SEPTIN9: variants seen among roughly 807,000 people sequenced by gnomAD.
SEPTIN9 encodes the protein septin 9.
In SEPTIN9, 13 loss-of-function variants were observed where a neutral mutation model predicts 56.6. The observed-to-expected ratio is 0.23, with a 90% CI of 0.15 to 0.37. The LOEUF is 0.37. SEPTIN9 is among the 10% of genes least tolerant of loss of function. The probability of loss-of-function intolerance (pLI) is 1.00; values close to 1 mark genes in which losing one functional copy is unlikely to be tolerated. For missense variants in SEPTIN9, 650 were observed against 823.1 expected (o/e 0.79, Z 2.57); for synonymous variants, 332 against 334.1 (o/e 0.99, Z 0.07).
At chr17:77,448,740 A>G (rs1324621990) in intron 3 of SEPTIN9, among the ~76,000 whole-genome samples, 2 of 151,924 alleles carry the variant, frequency 1.3e-5, no homozygotes, top group Admixed American at 6.6e-5. Flanking sequence ...ATTAAAATTA[A>G]TATCACCTGT....
chr17:77,482,828 C>G, intron 4 of SEPTIN9: 1 of 495,702 alleles, frequency 2.0e-6, no homozygotes, highest in Non-Finnish European at 3.6e-6. Flanking sequence ...GAGGTCACCA[C>G]GGGAGGTCGT....
intron 2 of SEPTIN9, among the ~76,000 whole-genome samples, chr17:77,308,726 G>A (rs1330554838): frequency 6.6e-6 from 1 of 152,206 alleles, no homozygotes; most frequent in African/African-American, 2.4e-5. Flanking sequence ...TTGCTTCTGT[G>A]GGGACAGCAC....
chr17:77,342,885 G>T (rs780654409), intron 2 of SEPTIN9, among the ~76,000 whole-genome samples: 1 of 152,070 alleles, frequency 6.6e-6, no homozygotes, highest in Non-Finnish European at 1.5e-5. Flanking sequence ...GAGGTGAGAG[G>T]ATAGTTTGAG....
chr17:77,286,599 C>T (rs1293570026), intron 1 of SEPTIN9, among the ~76,000 whole-genome samples: 2 of 152,220 alleles, frequency 1.3e-5, no homozygotes, highest in Non-Finnish European at 2.9e-5. Flanking sequence ...CACCCCCTAC[C>T]TGGTCCTTGG....
chr17:77,421,238 C>A lies in SEPTIN9; in HGVS notation c.721+18535C>A, dbSNP rs2036691402. On this transcript the variant is annotated intron_variant, in intron 3 of 11. Coordinates refer to ENST00000427177, the MANE Select transcript of SEPTIN9 (RefSeq NM_001113491.2). The surrounding 1 kb of genome is among the most constrained non-coding windows in gnomAD (Gnocchi z 4.6). ...AAAGAAAACCCCAGTTAGAAGGTGTCCCCCTCTTCCTTCAGTCCCTCAGCT... is the reference window on the plus strand; with the variant it reads ...AAAGAAAACCCCAGTTAGAAGGTGTACCCCTCTTCCTTCAGTCCCTCAGCT... Among the ~76,000 whole-genome samples the A allele has an allele frequency of 6.6e-6, 1 of 152,178 alleles. No individual in the cohort carries two copies. The highest frequency in any genetic ancestry group is 2.4e-5 in the African/African-American group (1 of 41,438).
In SEPTIN9 at chr17:77,449,851, T is replaced by C. The variant is rs1350488404; in HGVS notation, c.722-32293T>C. On this transcript the variant is annotated intron_variant, in intron 3 of 11. Transcript: ENST00000427177. The surrounding 1 kb of genome is among the most constrained non-coding windows in gnomAD (Gnocchi z 4.6). ...ACTTCCTGGCCTAGACGTGTGTGTC[T>C]TGCTGTAATTTTGGCGACTGGTGTT... Among the ~76,000 whole-genome samples, 1 of 152,170 alleles carries C rather than the reference T, an allele frequency of 6.6e-6. No homozygotes were observed. Among genetic ancestry groups the C allele is most frequent in the East Asian group, 1.9e-4 (1 of 5,188 alleles).
At chr17:77,305,666 T>C (rs533153857) in intron 1 of SEPTIN9, among the ~76,000 whole-genome samples, 27 of 151,874 alleles carry the variant, frequency 1.8e-4, no homozygotes, top group Admixed American at 1.7e-3. Context: ...GGGTACCCTG[T>C]CAATACTAGT....
chr17:77,412,218 G>A lies in SEPTIN9; in HGVS notation c.721+9515G>A, dbSNP rs912367219. Among the ~76,000 whole-genome samples, 25 of 151,284 alleles carry A rather than the reference G, an allele frequency of 1.7e-4. 1 individual carries two copies. Among genetic ancestry groups the A allele is most frequent in the African/African-American group, 7.3e-5 (3 of 41,080 alleles). ...AGAATTTTTTAGGACCCCTCCCCTC[G>A]TCGACCTGCTCAGCTGTCTGCTGGG... On this transcript the variant is annotated intron_variant, in intron 3 of 11. Coordinates refer to ENST00000427177, the MANE Select transcript of SEPTIN9 (RefSeq NM_001113491.2).
In SEPTIN9 at chr17:77,476,608, T is replaced by TG. The variant is rs922113283; in HGVS notation, c.722-5531dup. Among the ~76,000 whole-genome samples, 3 of 152,200 alleles carry TG rather than the reference T, an allele frequency of 2.0e-5. No individual in the cohort carries two copies. The highest frequency in any genetic ancestry group is 4.4e-5 in the Non-Finnish European group (3 of 68,030). On this transcript the variant is annotated intron_variant, in intron 3 of 11. Transcript: ENST00000427177. This position sits in a 1 kb window ranked among gnomAD's most constrained non-coding sequence, Gnocchi z 6.0. ...AGCTGGTCCCCAGGATGAGCAGATT[T>TG]GGGGGCAGTCCCCATCACGGGACCG...
chr17:77,479,458 C>A (rs2039359371), intron 3 of SEPTIN9, among the ~76,000 whole-genome samples: 1 of 152,250 alleles, frequency 6.6e-6, no homozygotes, highest in East Asian at 1.9e-4. Flanking sequence ...CCAGCCGGGG[C>A]CTGCAAGGCC....
At chr17:77,407,996 G>A (rs2036152899) in intron 3 of SEPTIN9, among the ~76,000 whole-genome samples, 1 of 150,452 alleles carries the variant, frequency 6.6e-6, no homozygotes. Flanking sequence ...ACCCCCCTCC[G>A]GCTCCTCAGC....
At chr17:77,346,465 T>C (rs1270160141) in intron 2 of SEPTIN9, among the ~76,000 whole-genome samples, 1 of 151,998 alleles carries the variant, frequency 6.6e-6, no homozygotes, top group Non-Finnish European at 1.5e-5. Flanking sequence ...AGAAGTATGT[T>C]GTTTAATTTG....
At chr17:77,478,482 G>T (rs1249724155) in intron 3 of SEPTIN9, among the ~76,000 whole-genome samples, 1 of 152,164 alleles carries the variant, frequency 6.6e-6, no homozygotes, top group Non-Finnish European at 1.5e-5. Flanking sequence ...GAAACAACCC[G>T]AATGCCCGCG....
chr17:77,497,509 C>T, intron 11 of SEPTIN9, 143 bp downstream of exon 11: 1 of 723,776 alleles, frequency 1.4e-6, no homozygotes, highest in South Asian at 1.5e-5. Flanking sequence ...TCGGGAAGAT[C>T]TTGGAAGCCC....
At chr17:77,301,894 C>T (rs1015484099) in intron 1 of SEPTIN9, among the ~76,000 whole-genome samples, 1 of 152,138 alleles carries the variant, frequency 6.6e-6, no homozygotes, top group Non-Finnish European at 1.5e-5. Flanking sequence ...AGGGGTGTGG[C>T]GGTGTCACCC....
chr17:77,457,971 G>A (rs778491609), intron 3 of SEPTIN9, among the ~76,000 whole-genome samples: 21 of 152,166 alleles, frequency 1.4e-4, no homozygotes, highest in Non-Finnish European at 2.6e-4. Flanking sequence ...AAACCCACGC[G>A]CCACCCTAGC....
chr17:77,373,279 CG>C (rs2034784168), intron 2 of SEPTIN9: 10 of 1,082,362 alleles, frequency 9.2e-6, no homozygotes, highest in Non-Finnish European at 9.1e-6. Flanking sequence ...GCCCGGGAGG[CG>C]GGGGCGGGGC....
At chr17:77,465,497 AG>A (rs896687223) in intron 3 of SEPTIN9, among the ~76,000 whole-genome samples, 57 of 151,968 alleles carry the variant, frequency 3.8e-4, no homozygotes, top group African/African-American at 1.2e-3. Flanking sequence ...CTGTGCTCTG[AG>A]GTTGTCTCGC....
Position 77,388,016 on chromosome 17 carries a change from G to A in SEPTIN9, c.77-14043G>A, listed in dbSNP as rs138868907. Among the ~76,000 whole-genome samples, 4 of 152,128 alleles carry A rather than the reference G, an allele frequency of 2.6e-5. No homozygotes were observed. The East Asian group carries it at 7.7e-4, about 29-fold the overall frequency. On this transcript the variant is annotated intron_variant, in intron 2 of 11. Coordinates refer to ENST00000427177, the MANE Select transcript of SEPTIN9 (RefSeq NM_001113491.2). Reference sequence around the variant, plus strand: ...GACCCCTCTCTTGTAGGCCCCTCTGGTCTCAGCGCCTACTCCTCCCTGGGC... The same window carrying A: ...GACCCCTCTCTTGTAGGCCCCTCTGATCTCAGCGCCTACTCCTCCCTGGGC...
Sources: allele counts gnomAD v4.1 joint callset (sites outside exome capture counted in the v4.1 genomes callset), GRCh38; gene constraint gnomAD v4.1.1; non-coding constraint Gnocchi (gnomAD v3.1); transcripts MANE v1.5; gene names NCBI Gene and HGNC (gene_info 2026-07-23, HGNC 2026-07-21).